The following AP3B1 variants were observed in gnomAD, a reference collection of about 807,000 sequenced individuals.
AP3B1 encodes adaptor related protein complex 3 subunit beta 1.
A neutral mutation model predicts 132.5 loss-of-function variants in AP3B1; 61 were observed. The observed-to-expected ratio is 0.46, with a 90% confidence interval of 0.37 to 0.57. The LOEUF (loss-of-function observed/expected upper bound fraction) is 0.57. Among genes scored for constraint, AP3B1 ranks in the 20% least tolerant of loss-of-function variants. The pLI, the probability that AP3B1 is intolerant of heterozygous loss-of-function variation, is 0.00. For synonymous variants in AP3B1, 388 were observed against 438.3 expected (o/e 0.89, Z 1.43); for missense variants, 1,120 against 1,289.4 (o/e 0.87, Z 2.01).
intron 24 of AP3B1, among the ~76,000 whole-genome samples, chr5:78,026,257 G>A (rs897464794): frequency 7.2e-5 from 11 of 152,160 alleles, no homozygotes; most frequent in South Asian, 4.1e-4. Context: ...TTAAATAGCC[G>A]AGCTACATAG....
intron 21 of AP3B1, among the ~76,000 whole-genome samples, chr5:78,093,626 A>G (rs1473473630): frequency 6.6e-6 from 1 of 152,242 alleles, no homozygotes; most frequent in African/African-American, 2.4e-5. Flanking sequence ...ATTTAAGAAT[A>G]AGAAAAACTG....
chr5:78,150,012 C>A (rs1203928760), intron 14 of AP3B1, among the ~76,000 whole-genome samples: 1 of 151,828 alleles, frequency 6.6e-6, no homozygotes, highest in East Asian at 1.9e-4. Context: ...AATTTTGCCA[C>A]CAGAGATATT....
intron 1 of AP3B1, among the ~76,000 whole-genome samples, chr5:78,289,906 TCTTTTGCA>T (rs2112598441): frequency 6.6e-6 from 1 of 152,348 alleles, no homozygotes; most frequent in South Asian, 2.1e-4. Context: ...ACATGCTTTT[TCTTTTGCA>T]AATCTTCTGG....
intron 15 of AP3B1, among the ~76,000 whole-genome samples, chr5:78,133,846 A>G (rs1752784652): frequency 6.6e-6 from 1 of 152,188 alleles, no homozygotes; most frequent in Non-Finnish European, 1.5e-5. Context: ...CTAATGGCTA[A>G]TGCTATCCAG....
At position 78,002,412 on chromosome 5, in the gene AP3B1, A is replaced by G; in HGVS notation, c.*490T>C. The G allele has an allele frequency of 5.0e-6, 2 of 399,422 alleles. No homozygotes were observed. Among genetic ancestry groups the G allele is most frequent in the Non-Finnish European group, 8.8e-6 (2 of 226,782 alleles). 24.7% of individuals were successfully genotyped at this position (399,422 alleles called of 1,614,324 possible). On this transcript the variant is annotated 3_prime_UTR_variant, in exon 27 of 27. Transcript: ENST00000255194. ...TCAATAATCAATTACAATATCAAGA[A>G]ATTCAAAGAACAAAATCTTGCAGAG... is the stretch of plus-strand genomic sequence containing the variant.
intron 21 of AP3B1, among the ~76,000 whole-genome samples, chr5:78,091,368 C>CAT (rs2112206595): frequency 1.3e-5 from 2 of 150,118 alleles, no homozygotes; most frequent in South Asian, 4.2e-4. Context: ...AAAATCTCAA[C>CAT]ATATATAATA....
rs1487960832 is a variant in AP3B1 at position 78,284,490 on chromosome 5, A to G, written c.128+9962T>C. On this transcript the variant is annotated intron_variant, in intron 1 of 26. Transcript: ENST00000255194. ...TTTACTTTCCTAATAGCTAATAGAT[A>G]GTAATTTAACTACAATTTGTCCTAA... 2.6e-5 allele frequency among the ~76,000 whole-genome samples: 4 copies of G among 152,232 alleles called. No homozygotes were observed. In the East Asian group the frequency reaches 7.7e-4, roughly 29 times the overall value.
intron 13 of AP3B1, among the ~76,000 whole-genome samples, chr5:78,158,569 T>C (rs1485291915): frequency 2.6e-5 from 4 of 152,130 alleles, no homozygotes; most frequent in Non-Finnish European, 4.4e-5. Context: ...AGTAGGTACC[T>C]TATTATTATT....
intron 1 of AP3B1, among the ~76,000 whole-genome samples, chr5:78,276,869 T>TA (rs150537145): frequency 0.042 from 5,122 of 123,152 alleles, 130 homozygotes; most frequent in East Asian, 0.17. Context: ...ACCCTGTCCC[T>TA]AAAAAAAAAA....
rs149833195 is a variant in AP3B1 at position 78,265,449 on chromosome 5, A to C, written c.204+2071T>G. Among the ~76,000 whole-genome samples, 159 of 152,258 alleles carry C rather than the reference A, an allele frequency of 1.0e-3. 1 individual carries two copies. The highest frequency in any genetic ancestry group is 3.7e-3 in the African/African-American group (155 of 41,546). ...CAGAGCAAGACCCTGTCTCTAAAAA[A>C]ACAAAAAAAAAGGCAAAGAAAATGA... On this transcript the variant is annotated intron_variant, in intron 2 of 26. Coordinates refer to ENST00000255194, the MANE Select transcript of AP3B1 (RefSeq NM_003664.5).
intron 14 of AP3B1, among the ~76,000 whole-genome samples, chr5:78,152,217 C>T (rs1390350030): frequency 6.7e-6 from 1 of 148,942 alleles, no homozygotes; most frequent in African/African-American, 2.5e-5. Flanking sequence ...GGAAGTATTC[C>T]TTCTTCTGTT....
chr5:78,240,752 A>G, intron 3 of AP3B1, 110 bp downstream of exon 3: 1 of 759,314 alleles, frequency 1.3e-6, no homozygotes, highest in Non-Finnish European at 2.3e-6. Context: ...TTTTAATCAT[A>G]ACAAAAATCT....
intron 22 of AP3B1, among the ~76,000 whole-genome samples, chr5:78,066,512 C>A (rs1749295981): frequency 6.6e-6 from 1 of 152,154 alleles, no homozygotes; most frequent in Non-Finnish European, 1.5e-5. Flanking sequence ...GAGAACTTCA[C>A]AATGCAACCC....
intron 14 of AP3B1, among the ~76,000 whole-genome samples, chr5:78,141,588 G>A (rs183469607): frequency 2.9e-4 from 44 of 152,236 alleles, no homozygotes; most frequent in African/African-American, 1.0e-3. Flanking sequence ...TATCAGAGAC[G>A]AACAAATTCT....
intron 17 of AP3B1, among the ~76,000 whole-genome samples, chr5:78,126,128 A>G (rs779778723): frequency 1.6e-4 from 24 of 152,040 alleles, no homozygotes; most frequent in Non-Finnish European, 3.1e-4. Flanking sequence ...AACAAGCATA[A>G]TAAGAAATTA....
intron 15 of AP3B1, among the ~76,000 whole-genome samples, chr5:78,133,747 T>C (rs980721090): frequency 6.6e-6 from 1 of 152,156 alleles, no homozygotes; most frequent in African/African-American, 2.4e-5. Flanking sequence ...TTAACAAAAA[T>C]ATTCAATATC....
intron 7 of AP3B1, among the ~76,000 whole-genome samples, chr5:78,199,138 C>G (rs1032786422): frequency 3.9e-5 from 6 of 152,310 alleles, no homozygotes; most frequent in Admixed American, 2.0e-4. Context: ...TGCACAGTAA[C>G]TTTGTGTTGA....
intron 2 of AP3B1, among the ~76,000 whole-genome samples, chr5:78,251,140 A>G (rs899618624): frequency 2.0e-5 from 3 of 152,240 alleles, no homozygotes; most frequent in Non-Finnish European, 4.4e-5. Flanking sequence ...ACAAATCAGT[A>G]AAGAAAAAAC....
In AP3B1 at chr5:78,194,816, A is replaced by C. The variant is rs551056179; in HGVS notation, c.787-13154T>G. ...TCCAAGGTAATGTGTATCTCCAAAA[A>C]TCCAGACAGAAGTAAAGATGCTTTC... On this transcript the variant is annotated intron_variant, in intron 7 of 26. Coordinates refer to ENST00000255194, the MANE Select transcript of AP3B1 (RefSeq NM_003664.5). Among the ~76,000 whole-genome samples, 4 of 152,344 alleles carry C rather than the reference A, an allele frequency of 2.6e-5. No individual in the cohort carries two copies. In the South Asian group the frequency reaches 8.3e-4, roughly 32 times the overall value.
Sources: gnomAD v4.1 joint callset for allele counts (sites outside exome capture counted in the v4.1 genomes callset) on GRCh38, gnomAD v4.1.1 for gene constraint, MANE v1.5 for transcripts, NCBI Gene and HGNC (gene_info 2026-07-23, HGNC 2026-07-21) for gene names.